The following NEAT1 variants were observed in gnomAD, a reference collection of about 807,000 sequenced individuals.
NEAT1 encodes the protein nuclear paraspeckle assembly transcript 1.
At chr11:65,435,667 T>C (rs1856651542) in exon 1 of NEAT1, 1 of 152,162 alleles carries the variant, frequency 6.6e-6, no homozygotes, top group Admixed American at 6.5e-5. Flanking sequence ...GACACTGTTT[T>C]GTGAGATGGG....
exon 1 of NEAT1, chr11:65,422,908 G>T (rs680413): frequency 0.91 from 135,043 of 148,864 alleles, 61,532 homozygotes; most frequent in Non-Finnish European, 0.95. Flanking sequence ...TAGATGAGAC[G>T]AGGGGGCGGG....
chr11:65,425,399 T>G (rs982384044), exon 1 of NEAT1: 5 of 152,008 alleles, frequency 3.3e-5, no homozygotes, highest in African/African-American at 1.2e-4. Context: ...TTCAGAGGGT[T>G]GTTTTGTTTG....
exon 1 of NEAT1, chr11:65,438,187 G>T (rs564583940): frequency 6.6e-6 from 1 of 152,274 alleles, no homozygotes; most frequent in East Asian, 1.9e-4. Context: ...CTGGGCACTG[G>T]ACATAAGCCC....
chr11:65,423,564 G>T (rs1167714250), exon 1 of NEAT1: 1 of 152,288 alleles, frequency 6.6e-6, no homozygotes, highest in Non-Finnish European at 1.5e-5. Context: ...TTTGACAGGC[G>T]GGGACTGCGA....
chr11:65,435,873 CAGATT>C (rs1001588334), exon 1 of NEAT1: 1 of 152,196 alleles, frequency 6.6e-6, no homozygotes, highest in African/African-American at 2.4e-5. Context: ...TTCCCCTACA[CAGATT>C]AAATAAACCA....
exon 1 of NEAT1, chr11:65,439,171 T>A (rs571407188): frequency 6.6e-6 from 1 of 152,204 alleles, no homozygotes; most frequent in African/African-American, 2.4e-5. Flanking sequence ...GTTGGCCATA[T>A]GTGTATGTTC....
exon 1 of NEAT1, chr11:65,437,839 C>T (rs1344261852): frequency 6.6e-6 from 1 of 152,176 alleles, no homozygotes; most frequent in Non-Finnish European, 1.5e-5. Flanking sequence ...CTAATGGTTA[C>T]TTGATACTGT....
exon 1 of NEAT1, chr11:65,431,581 C>CT (rs1187006722): frequency 3.3e-5 from 5 of 152,080 alleles, no homozygotes; most frequent in African/African-American, 1.2e-4. Context: ...TTATTTTCTG[C>CT]TTTTTTTAGA....
At chr11:65,437,140 C>A (rs1303258491) in exon 1 of NEAT1, 1 of 148,636 alleles carries the variant, frequency 6.7e-6, no homozygotes, top group Non-Finnish European at 1.5e-5. Flanking sequence ...ATTCCTATTT[C>A]TCACTAATCT....
chr11:65,437,183 T>TTATATATATATGTATATATATATATATG (rs1565634224), exon 1 of NEAT1: 4 of 139,098 alleles, frequency 2.9e-5, no homozygotes, highest in Non-Finnish European at 6.2e-5. Flanking sequence ...GCTCTTTAGT[T>TTATATATATATGTATATATATATATATG]TATATATATA....
At chr11:65,442,843 ACACTC>A in exon 1 of NEAT1, 1 of 152,350 alleles carries the variant, frequency 6.6e-6, no homozygotes, top group South Asian at 2.1e-4. Flanking sequence ...TCGCGCCACT[ACACTC>A]CAGCCTGGGT....
At chr11:65,429,172 A>G (rs1375194285) in exon 1 of NEAT1, 1 of 152,080 alleles carries the variant, frequency 6.6e-6, no homozygotes, top group Non-Finnish European at 1.5e-5. Context: ...CTTGTAGCTC[A>G]GACTTTTTCA....
exon 1 of NEAT1, chr11:65,443,326 G>C (rs1192057732): frequency 1.3e-5 from 2 of 152,288 alleles, no homozygotes; most frequent in African/African-American, 2.4e-5. Context: ...GGTGTTGACA[G>C]TGCAGACCTA....
chr11:65,444,954 CG>C (rs1179372188), exon 1 of NEAT1: 1 of 189,146 alleles, frequency 5.3e-6, no homozygotes, highest in Non-Finnish European at 1.1e-5. Flanking sequence ...GCCAGGGTGC[CG>C]GAAGTGTCCA....
At chr11:65,436,852 T>G (rs1271134939) in exon 1 of NEAT1, 1 of 152,106 alleles carries the variant, frequency 6.6e-6, no homozygotes, top group African/African-American at 2.4e-5. Context: ...AGTATATCTG[T>G]GAGAGAAAAG....
At chr11:65,444,578 T>TG in exon 1 of NEAT1, 1 of 467,992 alleles carries the variant, frequency 2.1e-6, no homozygotes, top group Non-Finnish European at 4.4e-6. Flanking sequence ...GCAGAGCTCG[T>TG]GGGGGGCTCC....
exon 1 of NEAT1, chr11:65,437,228 C>CATATAT (rs377012577): frequency 7.7e-6 from 1 of 129,288 alleles, no homozygotes; most frequent in African/African-American, 3.0e-5. Context: ...TATATATATA[C>CATATAT]ATATATATAT....
exon 1 of NEAT1, chr11:65,444,451 C>T (rs1224431889): frequency 4.2e-6 from 2 of 472,392 alleles, no homozygotes; most frequent in Non-Finnish European, 8.8e-6. Context: ...CTCTCTGAGC[C>T]TCTGCTTCCC....
exon 1 of NEAT1, chr11:65,429,367 A>G (rs1248107167): frequency 6.6e-6 from 1 of 152,186 alleles, no homozygotes; most frequent in Non-Finnish European, 1.5e-5. Context: ...CGGCTTTATC[A>G]CATTGAAAAC....
Sources: allele counts gnomAD v4.1 joint callset, GRCh38; gene constraint gnomAD v4.1.1; transcripts MANE v1.5; gene names NCBI Gene and HGNC (gene_info 2026-07-23, HGNC 2026-07-21).